The following ACOXL variants were observed in gnomAD, a reference collection of about 807,000 sequenced individuals.
ACOXL encodes the protein acyl-coenzyme A oxidase-like protein.
Under a neutral mutation model 71.9 loss-of-function variants are expected in ACOXL, and 70 were observed. The observed-to-expected ratio is 0.97, with a 90% CI of 0.80 to 1.19. The LOEUF (loss-of-function observed/expected upper bound fraction) is 1.19, where lower values mean the gene tolerates loss of function less well. Among genes scored for constraint, ACOXL ranks in the 50% most tolerant of loss-of-function variants. ACOXL has a pLI of 0.00. For synonymous variants in ACOXL, 253 were observed against 281.6 expected, an observed-to-expected ratio of 0.90 and a Z score of 1.02; for missense variants, 703 against 736.3, an observed-to-expected ratio of 0.95 and a Z score of 0.52.
intron 11 of ACOXL, among the ~76,000 whole-genome samples, chr2:110,915,350 A>ATG (rs3059185): frequency 0.01 from 1,156 of 113,584 alleles, 13 homozygotes; most frequent in African/African-American, 0.018. Context: ...ATATATATAT[A>ATG]TGTGTGTGTG....
chr2:110,843,516 T>C (rs1008333847), intron 10 of ACOXL, among the ~76,000 whole-genome samples: 1 of 151,954 alleles, frequency 6.6e-6, no homozygotes, highest in African/African-American at 2.4e-5. Flanking sequence ...AGTGTGGAGG[T>C]GTGGGGTGGA....
intron 1 of ACOXL, among the ~76,000 whole-genome samples, chr2:110,765,345 A>C (rs527336356): frequency 5.8e-4 from 88 of 152,226 alleles, no homozygotes; most frequent in Non-Finnish European, 9.1e-4. Flanking sequence ...GGAAGTTTTT[A>C]GCTATTATAT....
intron 1 of ACOXL, among the ~76,000 whole-genome samples, chr2:110,745,580 A>T (rs948094621): frequency 3.9e-5 from 6 of 152,238 alleles, no homozygotes; most frequent in African/African-American, 7.2e-5. Flanking sequence ...GAGCCCGGGA[A>T]GCCACAGGTC....
chr2:110,804,292 C>T (rs916993385), intron 8 of ACOXL, among the ~76,000 whole-genome samples: 3 of 152,064 alleles, frequency 2.0e-5, no homozygotes, highest in African/African-American at 7.2e-5. Flanking sequence ...CAACTGATGT[C>T]CCTTATTAAA....
chr2:110,966,673 C>T (rs75218063), intron 12 of ACOXL, among the ~76,000 whole-genome samples: 1 of 152,338 alleles, frequency 6.6e-6, no homozygotes, highest in East Asian at 1.9e-4. Context: ...CTTCTTCCTC[C>T]TCCCCTATTT....
chr2:110,943,043 G>GGAAGGAAGAAAGAAAAGGAA (rs2060935713), intron 12 of ACOXL, among the ~76,000 whole-genome samples: 3 of 140,090 alleles, frequency 2.1e-5, no homozygotes, highest in Non-Finnish European at 3.1e-5. Context: ...AAGGAAAGAA[G>GGAAGGAAGAAAGAAAAGGAA]GAAGGAAGAA....
intron 10 of ACOXL, among the ~76,000 whole-genome samples, chr2:110,853,774 T>C (rs1245026380): frequency 6.6e-6 from 1 of 152,184 alleles, no homozygotes; most frequent in Non-Finnish European, 1.5e-5. Flanking sequence ...AGGCCCTGCC[T>C]TGTTGATAAT....
intron 12 of ACOXL, among the ~76,000 whole-genome samples, chr2:110,936,543 C>T (rs184621146): frequency 2.6e-5 from 4 of 151,936 alleles, no homozygotes; most frequent in Admixed American, 1.3e-4. Flanking sequence ...ATTACAGGTG[C>T]GAGTCATGGT....
chr2:110,903,706 G>A (rs2059334994), intron 10 of ACOXL, among the ~76,000 whole-genome samples: 1 of 152,274 alleles, frequency 6.6e-6, no homozygotes, highest in African/African-American at 2.4e-5. Flanking sequence ...ATGTCTGGCA[G>A]GCGGTAATTG....
chr2:111,070,724 CT>C lies in ACOXL; in HGVS notation c.1440+21438del, dbSNP rs1336858877. Among the ~76,000 whole-genome samples, 5 of 152,232 alleles carry C rather than the reference CT, an allele frequency of 3.3e-5. No homozygotes were observed. The East Asian group carries it at 9.7e-4, about 29-fold the overall frequency. On this transcript the variant is annotated intron_variant, in intron 16 of 17. Transcript: ENST00000439055. The stretch of plus-strand genomic sequence containing the variant: ...CCCTTTGTGCTTGTTGATTTTACTT[CT>C]TGTAGATGGGTTTTCTGTACTTTTC...
chr2:110,958,690 G>A (rs189617788), intron 12 of ACOXL, among the ~76,000 whole-genome samples: 5 of 152,336 alleles, frequency 3.3e-5, no homozygotes, highest in South Asian at 2.1e-4. Context: ...AAAATGCCCC[G>A]TGGCAGGAGT....
chr2:111,073,029 GATGTGCTTGTTTGCCAT>G (rs1191275815), intron 16 of ACOXL, among the ~76,000 whole-genome samples: 1 of 152,110 alleles, frequency 6.6e-6, no homozygotes, highest in Non-Finnish European at 1.5e-5. Context: ...AAAATCTTTC[GATGTGCTTGTTTGCCAT>G]ATGTATCCCC....
In ACOXL at chr2:111,117,781, C is replaced by T; in HGVS notation, c.1708C>T (p.Arg570Cys). 1.9e-6 allele frequency: 3 copies of T among 1,550,758 alleles called. No homozygotes were observed. The highest frequency in any genetic ancestry group is 1.7e-6 in the Non-Finnish European group (2 of 1,146,710). Reference sequence around the variant, plus strand: ...GCAGCCGCGGCCACGGGAAGAGGCGCGCTCCCGGCGGCCCAAGCTGGGAGC... The same window carrying T: ...GCAGCCGCGGCCACGGGAAGAGGCGTGCTCCCGGCGGCCCAAGCTGGGAGC... ...PLQPRPREEARSRRPKLGAKL is the reference protein window; with the variant it reads ...PLQPRPREEACSRRPKLGAKL The change falls in exon 18 of 18, where the codon CGC (arginine) becomes TGC (cysteine). Residue 570 changes from arginine (R) to cysteine (C), a missense_variant. Physicochemically the swap from Arg to Cys is radical, Grantham distance 180. Transcript: ENST00000439055.
Position 110,798,573 on chromosome 2 carries a change from G to C in ACOXL, c.346-37G>C, listed in dbSNP as rs765877025. The C allele has an allele frequency of 1.2e-4, 184 of 1,551,206 alleles. 1 individual carries two copies. In the East Asian group the frequency reaches 3.3e-3, roughly 28 times the overall value. ...AGCCAGGGAGTTGAAATGAGCCATG[G>C]GAAGGGAAACACTGTTGCTCTGCTT... On this transcript the variant is annotated intron_variant, in intron 5 of 17. Transcript: ENST00000439055.
At chr2:110,942,659 G>A (rs776471310) in intron 12 of ACOXL, among the ~76,000 whole-genome samples, 3 of 151,858 alleles carry the variant, frequency 2.0e-5, no homozygotes, top group Non-Finnish European at 4.4e-5. Context: ...GCTGAGGCAG[G>A]TGGATCACTT....
chr2:110,750,025 A>G (rs949252522), intron 1 of ACOXL, among the ~76,000 whole-genome samples: 2 of 152,204 alleles, frequency 1.3e-5, no homozygotes, highest in Non-Finnish European at 2.9e-5. Flanking sequence ...TATCCTGAGC[A>G]TCACATCGTA....
chr2:111,053,778 T>G lies in ACOXL; in HGVS notation c.1440+4490T>G, dbSNP rs143392535. On this transcript the variant is annotated intron_variant, in intron 16 of 17. Coordinates refer to ENST00000439055, the MANE Select transcript of ACOXL (RefSeq NM_001142807.4). ...AGCTGCCTCCAATTTGGGTGGGAGA[T>G]AGCCCCAGCCAGGGGCCTCCATGGG... Among the ~76,000 whole-genome samples, 966 of 152,314 alleles carry G rather than the reference T, an allele frequency of 6.3e-3. 10 individuals are homozygous for G. Among genetic ancestry groups the G allele is most frequent in the Non-Finnish European group, 0.01 (687 of 68,020 alleles).
chr2:110,769,138 T>G (rs1573424337), intron 2 of ACOXL, among the ~76,000 whole-genome samples: 1 of 152,108 alleles, frequency 6.6e-6, no homozygotes, highest in Non-Finnish European at 1.5e-5. Context: ...TAAAGTACTT[T>G]AGACTTATCC....
intron 16 of ACOXL, among the ~76,000 whole-genome samples, chr2:111,088,681 T>C (rs2068355390): frequency 6.6e-6 from 1 of 152,060 alleles, no homozygotes; most frequent in African/African-American, 2.4e-5. Context: ...AACTATCGGG[T>C]ACTAGGCTTG....
Sources: gnomAD v4.1 joint callset for allele counts (sites outside exome capture counted in the v4.1 genomes callset) on GRCh38, gnomAD v4.1.1 for gene constraint, MANE v1.5 for transcripts, NCBI Gene and HGNC (gene_info 2026-07-23, HGNC 2026-07-21) for gene names.